The following TJP1 variants were observed in gnomAD, a reference collection of about 807,000 sequenced individuals.
TJP1 encodes tight junction protein ZO-1.
A neutral mutation model predicts 194.2 loss-of-function variants in TJP1; 43 were observed. The observed-to-expected ratio is 0.22, with a 90% CI of 0.17 to 0.29. The LOEUF (loss-of-function observed/expected upper bound fraction) is 0.29, where lower values mean the gene tolerates loss of function less well. Among genes scored for constraint, TJP1 ranks in the 10% least tolerant of loss-of-function variants. TJP1 has a pLI of 1.00. For synonymous variants in TJP1, 801 were observed against 779.0 expected (o/e 1.03, Z -0.47); for missense variants, 1,971 against 2,185.7 (o/e 0.90, Z 1.96).
chr15:29,818,670 ATTTTTTT>A (rs11312672), intron 1 of TJP1, among the ~76,000 whole-genome samples: 2 of 124,714 alleles, frequency 1.6e-5, no homozygotes, highest in Non-Finnish European at 3.4e-5. Flanking sequence ...AGGCCCGGCT[ATTTTTTT>A]TTTTTTTTTT....
chr15:29,938,967 G>A (rs919305548), intron 2 of TJP1, among the ~76,000 whole-genome samples: 4 of 152,218 alleles, frequency 2.6e-5, no homozygotes, highest in African/African-American at 7.2e-5. Context: ...GTTCATCCCC[G>A]AAATTGCCAT....
intron 8 of TJP1, among the ~76,000 whole-genome samples, chr15:29,745,015 C>T (rs1566942470): frequency 6.6e-6 from 1 of 152,070 alleles, no homozygotes; most frequent in African/African-American, 2.4e-5. Flanking sequence ...TGACACAATT[C>T]ATTATTATGC....
intron 1 of TJP1, among the ~76,000 whole-genome samples, chr15:29,958,289 T>C (rs11855399): frequency 0.19 from 29,205 of 151,018 alleles, 3,253 homozygotes; most frequent in East Asian, 0.48. Flanking sequence ...TCTCTCTTTT[T>C]AGTTTTTTTT....
At chr15:29,789,451 T>C (rs140624239) in intron 2 of TJP1, among the ~76,000 whole-genome samples, 1 of 152,308 alleles carries the variant, frequency 6.6e-6, no homozygotes, top group African/African-American at 2.4e-5. Context: ...CCTGTTTTTT[T>C]CTGATATAAT....
intron 2 of TJP1, among the ~76,000 whole-genome samples, chr15:29,867,775 G>A (rs1172934436): frequency 1.3e-5 from 2 of 152,088 alleles, no homozygotes; most frequent in Admixed American, 1.3e-4. Flanking sequence ...AAAAATTAAG[G>A]CTGGACGCAG....
At chr15:29,808,906 G>A (rs533786947) in intron 1 of TJP1, among the ~76,000 whole-genome samples, 12 of 152,140 alleles carry the variant, frequency 7.9e-5, no homozygotes, top group African/African-American at 2.4e-4. Flanking sequence ...TTATGAAGTA[G>A]AACTGTAAAA....
intron 2 of TJP1, among the ~76,000 whole-genome samples, chr15:29,871,524 G>A (rs2052520578): frequency 1.3e-5 from 2 of 152,232 alleles, no homozygotes; most frequent in Admixed American, 6.5e-5. Flanking sequence ...TGCCACCTGC[G>A]CCTCTGGGAA....
intron 1 of TJP1, chr15:29,968,491 G>A (rs2056407867): frequency 1.1e-6 from 1 of 903,804 alleles, no homozygotes; most frequent in Non-Finnish European, 1.3e-6. Context: ...GCTCGGCCCT[G>A]GGCTCGGCCT....
chr15:29,922,955 T>C (rs2054412026), intron 2 of TJP1, among the ~76,000 whole-genome samples: 1 of 145,658 alleles, frequency 6.9e-6, no homozygotes, highest in African/African-American at 2.5e-5. Flanking sequence ...GTAAAACACA[T>C]ATGAAAAAAC....
intron 7 of TJP1, 49 bp from the exon 8 acceptor site, chr15:29,761,335 C>T (rs2045995875): frequency 6.2e-7 from 1 of 1,605,340 alleles, no homozygotes; most frequent in South Asian, 1.1e-5. Context: ...TAATTACAGT[C>T]AAGTATAAGG....
chr15:29,823,422 C>CAA (rs1377447977), upstream of TJP1: 3 of 152,174 alleles, frequency 2.0e-5, no homozygotes, highest in Non-Finnish European at 4.4e-5. Flanking sequence ...TAAAGGTCTT[C>CAA]AAAAAATGCC....
chr15:29,806,658 G>A (rs948138575), intron 1 of TJP1, among the ~76,000 whole-genome samples: 9 of 152,136 alleles, frequency 5.9e-5, no homozygotes, highest in African/African-American at 1.9e-4. Flanking sequence ...ATGGAGATGA[G>A]GTTGAGCCAG....
At chr15:29,773,072 T>C (rs1377467009) in intron 3 of TJP1, among the ~76,000 whole-genome samples, 161 bp downstream of exon 3, 1 of 152,132 alleles carries the variant, frequency 6.6e-6, no homozygotes, top group Non-Finnish European at 1.5e-5. Context: ...CTAGCCAGTT[T>C]CCCTCTTAAT....
intron 22 of TJP1, 57 bp downstream of exon 22, chr15:29,717,964 T>C: frequency 6.9e-7 from 1 of 1,445,414 alleles, no homozygotes; most frequent in Non-Finnish European, 9.6e-7. Context: ...TCTTATTGAC[T>C]AAGAGGGTTA....
intron 27 of TJP1, among the ~76,000 whole-genome samples, chr15:29,703,800 G>A (rs1019956510): frequency 3.3e-5 from 5 of 151,912 alleles, no homozygotes; most frequent in Admixed American, 1.3e-4. Flanking sequence ...GTGCCACCAC[G>A]CCTGGCTAAT....
At chr15:29,904,080 A>G (rs1430423630) in intron 2 of TJP1, among the ~76,000 whole-genome samples, 3 of 152,100 alleles carry the variant, frequency 2.0e-5, no homozygotes, top group Admixed American at 1.3e-4. Flanking sequence ...TAACATCTAA[A>G]ATCCTGGATC....
chr15:29,951,818 A>G (rs1235915044), intron 2 of TJP1, among the ~76,000 whole-genome samples: 1 of 152,184 alleles, frequency 6.6e-6, no homozygotes, highest in Non-Finnish European at 1.5e-5. Context: ...TGGCAGAGAG[A>G]TAAGCAGCAA....
chr15:29,827,804 G>C (rs868426862), intron 2 of TJP1, among the ~76,000 whole-genome samples: 4 of 152,038 alleles, frequency 2.6e-5, no homozygotes, highest in Non-Finnish European at 4.4e-5. Context: ...TTGAAACAAA[G>C]GGCCCCTAGA....
At chr15:29,716,085 G>A (rs943671120) in intron 23 of TJP1, among the ~76,000 whole-genome samples, 1 of 152,132 alleles carries the variant, frequency 6.6e-6, no homozygotes, top group African/African-American at 2.4e-5. Flanking sequence ...ACGGAGGGGA[G>A]CAGCAAGCAC....
Sources: allele counts gnomAD v4.1 joint callset (sites outside exome capture counted in the v4.1 genomes callset), GRCh38; gene constraint gnomAD v4.1.1; transcripts MANE v1.5; gene names NCBI Gene and HGNC (gene_info 2026-07-23, HGNC 2026-07-21).